ZNF782: variants seen among roughly 807,000 people sequenced by gnomAD.
The protein encoded by ZNF782 is zinc finger protein 782.
A neutral mutation model predicts 13.0 loss-of-function variants in ZNF782; 12 were observed. That is an observed-to-expected ratio of 0.92 (90% CI 0.59 to 1.50). The LOEUF is 1.50. Among genes scored for constraint, ZNF782 ranks in the 40% most tolerant of loss-of-function variants. The probability of loss-of-function intolerance (pLI) is 0.00; values close to 1 mark genes in which losing one functional copy is unlikely to be tolerated. For missense variants in ZNF782, 770 were observed against 822.9 expected (o/e 0.94, Z 0.79); for synonymous variants, 284 against 283.0 (o/e 1.00, Z -0.04).
At chr9:96,880,194 C>A (rs1295575871), upstream of ZNF782, among the ~76,000 whole-genome samples, 2 of 150,490 alleles carry the variant, frequency 1.3e-5, no homozygotes, top group Non-Finnish European at 3.0e-5. Flanking sequence ...TTTTAGATTC[C>A]TTGGGATTTT....
chr9:96,911,865 A>G, the ZNF782 span, among the ~76,000 whole-genome samples: 2 of 151,996 alleles, frequency 1.3e-5, no homozygotes, highest in Non-Finnish European at 2.9e-5. Flanking sequence ...TTTTTTGTGT[A>G]TGTACTTAGC....
chr9:96,910,728 C>G, the ZNF782 span, among the ~76,000 whole-genome samples: 4 of 149,204 alleles, frequency 2.7e-5, no homozygotes, highest in Admixed American at 2.7e-4. Context: ...GTTCCTCCTC[C>G]CGGGTTCATG....
the ZNF782 span, among the ~76,000 whole-genome samples, chr9:96,924,784 G>C: frequency 6.6e-6 from 1 of 152,244 alleles, no homozygotes; most frequent in Non-Finnish European, 1.5e-5. Flanking sequence ...TTTGGAATGT[G>C]AGCAGCACGG....
chr9:96,899,529 C>T, the ZNF782 span, among the ~76,000 whole-genome samples: 1 of 152,156 alleles, frequency 6.6e-6, no homozygotes, highest in Admixed American at 6.5e-5. Flanking sequence ...TATCAGAATA[C>T]CTGAAACCAG....
Position 96,854,147 on chromosome 9 carries a change from C to G in ZNF782, c.-321G>C, listed in dbSNP as rs887165184. Reference sequence around the variant, plus strand: ...ATGCAGACCCACCGTCCGGGGATTTCGGGCACGTTGTCGCCCGCGTTACAA... The same window carrying G: ...ATGCAGACCCACCGTCCGGGGATTTGGGGCACGTTGTCGCCCGCGTTACAA... On this transcript the variant is annotated 5_prime_UTR_variant, in exon 1 of 6. Transcript: ENST00000481138. 1 of 152,222 alleles carries G rather than the reference C, an allele frequency of 6.6e-6. No homozygotes were observed. Among genetic ancestry groups the G allele is most frequent in the African/African-American group, 2.4e-5 (1 of 41,446 alleles). The allele number at this position is 152,222 out of a possible 1,614,324, so 9.4% of individuals were successfully genotyped here. A position where few individuals can be genotyped will look rare whatever the true frequency, so the allele number is the denominator to read the frequency against.
chr9:96,920,355 C>T, the ZNF782 span, among the ~76,000 whole-genome samples: 1 of 149,668 alleles, frequency 6.7e-6, no homozygotes, highest in Non-Finnish European at 1.5e-5. Flanking sequence ...CAAGCTCTGC[C>T]TCCTGGGTTC....
intron 1 of ZNF782, among the ~76,000 whole-genome samples, chr9:96,871,457 C>T (rs1268226875): frequency 6.6e-6 from 1 of 152,142 alleles, no homozygotes; most frequent in Non-Finnish European, 1.5e-5. Flanking sequence ...CCACCTCTGG[C>T]TTCATTTTGC....
the ZNF782 span, among the ~76,000 whole-genome samples, chr9:96,922,067 G>A: frequency 0.023 from 3,418 of 150,078 alleles, no homozygotes; most frequent in African/African-American, 0.037. Flanking sequence ...CAAGAATCAC[G>A]GAAACAAAGC....
At chr9:96,851,406 A>G (rs1851481687) in intron 3 of ZNF782, among the ~76,000 whole-genome samples, 1 of 152,150 alleles carries the variant, frequency 6.6e-6, no homozygotes, top group Admixed American at 6.5e-5. Flanking sequence ...CAATGTTCTC[A>G]TTTTTCTAAA....
At chr9:96,868,787 C>G (rs1588176474) in intron 1 of ZNF782, among the ~76,000 whole-genome samples, 1 of 152,174 alleles carries the variant, frequency 6.6e-6, no homozygotes, top group East Asian at 1.9e-4. Context: ...TTCTAATAAA[C>G]TAGAGCATAT....
At chr9:96,861,810 A>G (rs1851704831) in intron 1 of ZNF782, among the ~76,000 whole-genome samples, 2 of 152,240 alleles carry the variant, frequency 1.3e-5, no homozygotes, top group African/African-American at 4.8e-5. Context: ...GTACACTGTT[A>G]GTGGGAATGT....
At chr9:96,878,178 G>A (rs1032271186), upstream of ZNF782, among the ~76,000 whole-genome samples, 6 of 152,074 alleles carry the variant, frequency 3.9e-5, no homozygotes, top group African/African-American at 1.2e-4. Flanking sequence ...CCTCCCCAGT[G>A]GCTAGGATTA....
At chr9:96,913,887 A>C in the ZNF782 span, among the ~76,000 whole-genome samples, 1 of 149,032 alleles carries the variant, frequency 6.7e-6, no homozygotes, top group Non-Finnish European at 1.5e-5. Flanking sequence ...GCACCTATAA[A>C]CTCAGCTACC....
At chr9:96,893,677 C>A in the ZNF782 span, 4 of 151,176 alleles carry the variant, frequency 2.6e-5, no homozygotes, top group African/African-American at 9.9e-5. Flanking sequence ...GGCACATATA[C>A]ACCATGGAAT....
chr9:96,920,216 T>G, the ZNF782 span, among the ~76,000 whole-genome samples: 7 of 149,636 alleles, frequency 4.7e-5, no homozygotes, highest in Non-Finnish European at 7.4e-5. Context: ...TACCCCAATG[T>G]CCCTTTCTCT....
At position 96,831,524 on chromosome 9, in the gene ZNF782, A is replaced by G. The variant is rs374773618; in HGVS notation, c.143-4343T>C. Among the ~76,000 whole-genome samples the G allele has an allele frequency of 7.9e-5, 12 of 152,132 alleles. No individual in the cohort carries two copies. The East Asian group carries it at 1.7e-3, about 22-fold the overall frequency. Reference sequence around the variant, plus strand: ...GGAGATTGAGACCATCCTGGCTAACATGGTGAAACTCTCTCTCTACTAAAA... The same window carrying G: ...GGAGATTGAGACCATCCTGGCTAACGTGGTGAAACTCTCTCTCTACTAAAA... On this transcript the variant is annotated intron_variant, in intron 4 of 5. Coordinates refer to ENST00000481138, the MANE Select transcript of ZNF782 (RefSeq NM_001001662.3).
the ZNF782 span, among the ~76,000 whole-genome samples, chr9:96,900,602 A>G: frequency 7.3e-5 from 11 of 151,374 alleles, no homozygotes; most frequent in Admixed American, 2.0e-4. Context: ...TTAGCCAGGC[A>G]TGGTGGTGCA....
the ZNF782 span, among the ~76,000 whole-genome samples, chr9:96,882,768 A>G: frequency 1.3e-5 from 2 of 152,230 alleles, no homozygotes; most frequent in Non-Finnish European, 2.9e-5. Flanking sequence ...TGTCAATGCC[A>G]TTATAGAAAT....
chr9:96,916,556 A>G, the ZNF782 span, among the ~76,000 whole-genome samples: 2 of 152,024 alleles, frequency 1.3e-5, no homozygotes, highest in Admixed American at 1.3e-4. Context: ...AAACACCACC[A>G]AAAGAAACCA....
Sources: gnomAD v4.1 joint callset for allele counts (sites outside exome capture counted in the v4.1 genomes callset) on GRCh38, gnomAD v4.1.1 for gene constraint, MANE v1.5 for transcripts, NCBI Gene and HGNC (gene_info 2026-07-23, HGNC 2026-07-21) for gene names.